Variants in NUBPL observed in about 807,000 individuals in gnomAD.
NUBPL encodes NUBP iron-sulfur cluster assembly factor, mitochondrial.
In NUBPL, 31 loss-of-function variants were observed where a neutral mutation model predicts 45.7. The ratio of observed to expected loss-of-function variants is 0.68; its 90% confidence interval spans 0.51 to 0.92. NUBPL has a LOEUF of 0.92. NUBPL is among the 40% of genes least tolerant of loss of function. The probability of loss-of-function intolerance (pLI) is 0.00; values close to 1 mark genes in which losing one functional copy is unlikely to be tolerated. For synonymous variants in NUBPL, 144 were observed against 140.9 expected, an observed-to-expected ratio of 1.02 and a Z score of -0.15; for missense variants, 401 against 398.7, an observed-to-expected ratio of 1.01 and a Z score of -0.05.
At chr14:31,781,886 A>C (rs1595619579) in intron 6 of NUBPL, among the ~76,000 whole-genome samples, 1 of 152,104 alleles carries the variant, frequency 6.6e-6, no homozygotes, top group East Asian at 1.9e-4. Flanking sequence ...GATTTACTAC[A>C]CATGATTCTT....
chr14:31,584,885 AAG>A (rs1393303817), intron 3 of NUBPL, among the ~76,000 whole-genome samples: 1 of 152,186 alleles, frequency 6.6e-6, no homozygotes, highest in Non-Finnish European at 1.5e-5. Context: ...ACAAAGTGGA[AAG>A]AGAGTGAGAG....
chr14:31,594,360 C>T (rs917636249), intron 3 of NUBPL, among the ~76,000 whole-genome samples: 4 of 152,178 alleles, frequency 2.6e-5, no homozygotes, highest in Non-Finnish European at 5.9e-5. Context: ...AAGGTCAAGG[C>T]CCCTATTGCC....
chr14:31,645,104 C>T (rs567977873), intron 4 of NUBPL, among the ~76,000 whole-genome samples: 35 of 146,936 alleles, frequency 2.4e-4, no homozygotes, highest in African/African-American at 6.7e-4. Context: ...CTCGCTTTGT[C>T]GCCCAGGCTG....
intron 7 of NUBPL, among the ~76,000 whole-genome samples, chr14:31,799,015 G>C (rs758936680): frequency 6.6e-6 from 1 of 151,758 alleles, no homozygotes; most frequent in Admixed American, 6.6e-5. Context: ...TTTTTTGTGG[G>C]ACAGGGCAGT....
intron 6 of NUBPL, among the ~76,000 whole-genome samples, chr14:31,777,750 T>C (rs2039122115): frequency 6.6e-6 from 1 of 152,182 alleles, no homozygotes. Context: ...CCAATTCACC[T>C]GAGTGGTAGT....
At chr14:31,774,291 T>C (rs2039060838) in intron 6 of NUBPL, among the ~76,000 whole-genome samples, 1 of 152,242 alleles carries the variant, frequency 6.6e-6, no homozygotes, top group Admixed American at 6.5e-5. Flanking sequence ...ACTTGGCTTA[T>C]GTAATGCTAA....
At position 31,666,263 on chromosome 14, in the gene NUBPL, A is replaced by ATATATATATATATATATATTTATT; in HGVS notation, c.383-7092_383-7091insTATATATATATATATATATTTATT. On this transcript the variant is annotated intron_variant, in intron 4 of 10. Transcript: ENST00000281081. ...TATATATATATATATATATATATAT[A>ATATATATATATATATATATTTATT]ATTTTATTTTATTTTTTTTGAGACG... Among the ~76,000 whole-genome samples the ATATATATATATATATATATTTATT allele has an allele frequency of 7.1e-3, 790 of 111,244 alleles. 93 individuals carry two copies. Among genetic ancestry groups the ATATATATATATATATATATTTATT allele is most frequent in the Middle Eastern group, 0.015 (3 of 206 alleles). The allele number at this position is 111,244 out of a possible 152,430, so 73.0% of individuals were successfully genotyped here.
intron 3 of NUBPL, among the ~76,000 whole-genome samples, chr14:31,567,811 A>C (rs1033365286): frequency 2.6e-5 from 4 of 152,186 alleles, no homozygotes; most frequent in African/African-American, 9.6e-5. Flanking sequence ...GACATGTAAA[A>C]TCTTGAGCCC....
intron 6 of NUBPL, among the ~76,000 whole-genome samples, chr14:31,676,499 G>A (rs2036702547): frequency 6.6e-6 from 1 of 151,164 alleles, no homozygotes; most frequent in Non-Finnish European, 1.5e-5. Context: ...CTCCAGTTTT[G>A]GGCTATTGTG....
At chr14:31,765,778 A>G (rs1185376558) in intron 6 of NUBPL, among the ~76,000 whole-genome samples, 1 of 152,238 alleles carries the variant, frequency 6.6e-6, no homozygotes, top group African/African-American at 2.4e-5. Flanking sequence ...ACCAAAGATT[A>G]CTAAAGTCAT....
chr14:31,563,782 A>G (rs1051815224), intron 2 of NUBPL, among the ~76,000 whole-genome samples: 6 of 152,190 alleles, frequency 3.9e-5, no homozygotes, highest in Non-Finnish European at 7.3e-5. Flanking sequence ...TGCCCTCTGA[A>G]AGTTTCTGCC....
rs1400828800 is a variant in NUBPL, at chr14:31,860,391, C to G, written c.*1211C>G. 3 of 151,720 alleles carry G rather than the reference C, an allele frequency of 2.0e-5. No individual in the cohort carries two copies. Among genetic ancestry groups the G allele is most frequent in the African/African-American group, 7.3e-5 (3 of 41,286 alleles). The allele number at this position is 151,720 out of a possible 1,614,324, so 9.4% of individuals were successfully genotyped here. On this transcript the variant is annotated 3_prime_UTR_variant, in exon 11 of 11. Coordinates refer to ENST00000281081, the MANE Select transcript of NUBPL (RefSeq NM_025152.3). ...TTTTTGGCCATGAAATCCACCACCC[C>G]CCTCCTTTTTCAGAGCATTTCATGA...
intron 4 of NUBPL, among the ~76,000 whole-genome samples, chr14:31,634,270 G>A (rs2035425745): frequency 8.3e-6 from 1 of 120,104 alleles, no homozygotes; most frequent in African/African-American, 3.4e-5. Context: ...CCGAGAGTGT[G>A]ATCTTCCCCT....
intron 4 of NUBPL, chr14:31,653,980 T>A: frequency 2.5e-6 from 1 of 405,704 alleles, no homozygotes; most frequent in South Asian, 1.8e-5. Flanking sequence ...GTCTCTCCTA[T>A]TGACTTTGTA....
At chr14:31,610,335 G>A (rs1329262837) in intron 4 of NUBPL, among the ~76,000 whole-genome samples, 1 of 151,746 alleles carries the variant, frequency 6.6e-6, no homozygotes, top group African/African-American at 2.4e-5. Flanking sequence ...TCATATACAC[G>A]TACAACCTAC....
intron 4 of NUBPL, among the ~76,000 whole-genome samples, chr14:31,615,008 A>T (rs950351135): frequency 1.1e-4 from 17 of 152,158 alleles, no homozygotes; most frequent in African/African-American, 4.1e-4. Context: ...ATGGTGATAT[A>T]GTTTGGCTCT....
chr14:31,598,885 A>G (rs913521478), intron 3 of NUBPL, among the ~76,000 whole-genome samples: 4 of 152,110 alleles, frequency 2.6e-5, no homozygotes, highest in Non-Finnish European at 5.9e-5. Context: ...TCCAAAAGTT[A>G]ATGTTGTGTC....
At chr14:31,662,574 G>A (rs76149434) in intron 4 of NUBPL, among the ~76,000 whole-genome samples, 5,689 of 152,068 alleles carry the variant, frequency 0.037, 247 homozygotes, top group African/African-American at 0.11. Flanking sequence ...TGCGGTGTTT[G>A]GTGTTTTTGT....
chr14:31,562,917 A>AT (rs1450489252), intron 2 of NUBPL: 8 of 153,498 alleles, frequency 5.2e-5, no homozygotes, highest in African/African-American at 1.9e-4. Flanking sequence ...CTACTAGCTC[A>AT]TTTTTCCCCA....
Sources: gnomAD v4.1 joint callset for allele counts (sites outside exome capture counted in the v4.1 genomes callset) on GRCh38, gnomAD v4.1.1 for gene constraint, MANE v1.5 for transcripts, NCBI Gene and HGNC (gene_info 2026-07-23, HGNC 2026-07-21) for gene names.